Variants in UNC5D observed in about 807,000 individuals in gnomAD.
UNC5D encodes the protein netrin receptor UNC5D.
A neutral mutation model predicts 105.4 loss-of-function variants in UNC5D; 39 were observed. The ratio of observed to expected loss-of-function variants is 0.37; its 90% CI spans 0.29 to 0.48. The LOEUF is 0.48. UNC5D is among the 20% of genes least tolerant of loss of function. UNC5D has a pLI of 0.98. For synonymous variants in UNC5D, 452 were observed against 450.4 expected (o/e 1.00, Z -0.04); for missense variants, 991 against 1,202.4 (o/e 0.82, Z 2.60).
chr8:35,595,783 T>G, intron 4 of UNC5D, 126 bp downstream of exon 4: 1 of 753,690 alleles, frequency 1.3e-6, no homozygotes, highest in South Asian at 1.7e-5. Flanking sequence ...TTGCCTGGGC[T>G]CAGTTGCTAA....
intron 1 of UNC5D, among the ~76,000 whole-genome samples, chr8:35,452,989 G>T (rs1039721133): frequency 6.6e-6 from 1 of 152,118 alleles, no homozygotes; most frequent in African/African-American, 2.4e-5. Context: ...TCCAAAAAAA[G>T]TTGTTTAGTG....
chr8:35,642,688 A>C (rs1318328360), intron 4 of UNC5D, among the ~76,000 whole-genome samples: 2 of 152,080 alleles, frequency 1.3e-5, no homozygotes, highest in Non-Finnish European at 2.9e-5. Context: ...GTTCCTGGCT[A>C]ATCTTAAGGC....
chr8:35,572,966 G>T (rs1817843841), intron 3 of UNC5D, among the ~76,000 whole-genome samples: 1 of 151,922 alleles, frequency 6.6e-6, no homozygotes, highest in Non-Finnish European at 1.5e-5. Flanking sequence ...ACCACGCCCG[G>T]CTAATTTTTT....
At chr8:35,664,924 C>T (rs1157395775) in intron 4 of UNC5D, among the ~76,000 whole-genome samples, 2 of 152,080 alleles carry the variant, frequency 1.3e-5, no homozygotes, top group Non-Finnish European at 2.9e-5. Flanking sequence ...AACTCAAACT[C>T]CTGGGCTGAA....
chr8:35,735,130 A>G (rs1829399067), intron 11 of UNC5D, among the ~76,000 whole-genome samples: 1 of 152,180 alleles, frequency 6.6e-6, no homozygotes, highest in Admixed American at 6.5e-5. Flanking sequence ...TAAAAAATCA[A>G]CAATGTCATT....
At chr8:35,348,672 A>G (rs2128908230) in intron 1 of UNC5D, among the ~76,000 whole-genome samples, 1 of 152,056 alleles carries the variant, frequency 6.6e-6, no homozygotes, top group East Asian at 1.9e-4. Flanking sequence ...GAGTGGATAC[A>G]GGAAAGAGGA....
At chr8:35,429,029 G>T (rs566559190) in intron 1 of UNC5D, among the ~76,000 whole-genome samples, 1 of 152,288 alleles carries the variant, frequency 6.6e-6, no homozygotes, top group African/African-American at 2.4e-5. Flanking sequence ...GTCCCAGTTT[G>T]CTGGTTAAAT....
chr8:35,525,549 C>T (rs1813807687), intron 1 of UNC5D: 66 of 1,612,406 alleles, frequency 4.1e-5, no homozygotes, highest in Non-Finnish European at 5.5e-5. Context: ...GGTTTCTGTT[C>T]GGTCATTAAT....
At chr8:35,704,516 A>T (rs557349567) in intron 7 of UNC5D, among the ~76,000 whole-genome samples, 1 of 152,342 alleles carries the variant, frequency 6.6e-6, no homozygotes, top group South Asian at 2.1e-4. Flanking sequence ...GTTTCACCTC[A>T]CATGGCTCAC....
chr8:35,450,444 T>C (rs1037697881), intron 1 of UNC5D, among the ~76,000 whole-genome samples: 2 of 152,198 alleles, frequency 1.3e-5, no homozygotes, highest in African/African-American at 2.4e-5. Context: ...CTATTTATAA[T>C]ATCAAGATTG....
chr8:35,356,638 T>C (rs1489088100), intron 1 of UNC5D, among the ~76,000 whole-genome samples: 1 of 152,012 alleles, frequency 6.6e-6, no homozygotes, highest in African/African-American at 2.4e-5. Flanking sequence ...TTTTTTTTTT[T>C]TTCCTCTCCT....
chr8:35,755,260 GAAA>G (rs951929661), intron 13 of UNC5D, among the ~76,000 whole-genome samples: 1 of 151,870 alleles, frequency 6.6e-6, no homozygotes. Context: ...AAAGAAAATA[GAAA>G]AAAACAACTA....
intron 11 of UNC5D, among the ~76,000 whole-genome samples, chr8:35,734,213 A>G (rs968710137): frequency 1.8e-4 from 28 of 151,978 alleles, no homozygotes; most frequent in Middle Eastern, 3.4e-3. Context: ...TGCTGGTGAG[A>G]TCTCAGCCCT....
At chr8:35,351,123 T>C (rs1812206348) in intron 1 of UNC5D, among the ~76,000 whole-genome samples, 1 of 152,042 alleles carries the variant, frequency 6.6e-6, no homozygotes, top group Admixed American at 6.6e-5. Flanking sequence ...GTAGCATAAA[T>C]ATACTTAAGC....
At chr8:35,372,260 G>T (rs1802465082) in intron 1 of UNC5D, among the ~76,000 whole-genome samples, 1 of 151,392 alleles carries the variant, frequency 6.6e-6, no homozygotes, top group Admixed American at 6.6e-5. Flanking sequence ...AGTAGCTGGG[G>T]CCACAGACAT....
chr8:35,540,911 A>G lies in UNC5D; in HGVS notation c.104-8381A>G, dbSNP rs1467043000. Among the ~76,000 whole-genome samples, 3 of 152,294 alleles carry G rather than the reference A, an allele frequency of 2.0e-5. No homozygotes were observed. In the East Asian group the frequency reaches 5.8e-4, roughly 29 times the overall value. On this transcript the variant is annotated intron_variant, in intron 1 of 16. Coordinates refer to ENST00000404895, the MANE Select transcript of UNC5D (RefSeq NM_080872.4). ...TTAGGACCAGCATGGGTTCTCTTGC[A>G]TTCAAAGAATGCACAGCTGAACTGG...
intron 1 of UNC5D, among the ~76,000 whole-genome samples, chr8:35,299,927 G>A (rs1276322655): frequency 1.3e-5 from 2 of 152,144 alleles, no homozygotes; most frequent in Admixed American, 6.5e-5. Context: ...AAGTGCAGAA[G>A]GGTTACTCTG....
intron 1 of UNC5D, among the ~76,000 whole-genome samples, chr8:35,280,144 C>T (rs1182527381): frequency 4.6e-5 from 7 of 152,016 alleles, no homozygotes; most frequent in Non-Finnish European, 1.0e-4. Flanking sequence ...TACAGGTGCC[C>T]ACCACCACAC....
At chr8:35,566,735 C>T (rs141994778) in intron 2 of UNC5D, among the ~76,000 whole-genome samples, 9 of 152,234 alleles carry the variant, frequency 5.9e-5, no homozygotes, top group East Asian at 1.9e-4. Flanking sequence ...ATGTAAAGAG[C>T]GCATAGGTTC....
Sources: allele counts gnomAD v4.1 joint callset (sites outside exome capture counted in the v4.1 genomes callset), GRCh38; gene constraint gnomAD v4.1.1; transcripts MANE v1.5; gene names NCBI Gene and HGNC (gene_info 2026-07-23, HGNC 2026-07-21).